Variants in DEF6 observed in about 807,000 individuals in gnomAD.
DEF6 encodes the protein DEF6 guanine nucleotide exchange factor.
A neutral mutation model predicts 80.5 loss-of-function variants in DEF6; 32 were observed. The observed-to-expected ratio is 0.40, with a 90% CI of 0.30 to 0.53. DEF6 has a LOEUF of 0.53. Ranked by LOEUF, DEF6 falls within the 20% of genes least tolerant of loss-of-function variation. DEF6 has a pLI of 0.57. For missense variants in DEF6, 575 were observed against 818.7 expected (o/e 0.70, Z 3.63); for synonymous variants, 300 against 337.9 (o/e 0.89, Z 1.23).
chr6:35,315,586 G>A (rs927203460), intron 5 of DEF6, among the ~76,000 whole-genome samples: 1 of 151,924 alleles, frequency 6.6e-6, no homozygotes, highest in African/African-American at 2.4e-5. Context: ...CATAGCATGG[G>A]ATATCTCTCC....
intron 1 of DEF6, among the ~76,000 whole-genome samples, chr6:35,301,365 A>G (rs1163690319): frequency 6.6e-6 from 1 of 152,184 alleles, no homozygotes; most frequent in Admixed American, 6.5e-5. Context: ...AGAACCACGC[A>G]GGCTTGGATC....
In DEF6 at chr6:35,318,718, C is replaced by T. The variant is rs940459388; in HGVS notation, c.1215+247C>T. 1.3e-5 allele frequency among the ~76,000 whole-genome samples: 2 copies of T among 151,718 alleles called. No individual in the cohort carries two copies. The highest frequency in any genetic ancestry group is 4.8e-5 in the African/African-American group (2 of 41,290). ...AGGGGTGTGGGGCGAGGTCCGAGCC[C>T]GTGGATGGATGGGGCCTGGTTCGGA... On this transcript the variant is annotated intron_variant, in intron 7 of 10. Coordinates refer to ENST00000316637, the MANE Select transcript of DEF6 (RefSeq NM_022047.4). The surrounding 1 kb of genome is among the most constrained non-coding windows in gnomAD (Gnocchi z 5.1).
At chr6:35,321,034 A>C in intron 10 of DEF6, 60 bp downstream of exon 10, 1 of 1,587,402 alleles carries the variant, frequency 6.3e-7, no homozygotes. Context: ...GGAGGGAGAA[A>C]GGTCTCCCTG....
In DEF6 at chr6:35,320,008, G is replaced by A; in HGVS notation, c.1572G>A (p.Glu524=). Residue 524 remains glutamate (E), a synonymous_variant, in exon 9 of 11, where the codon GAG becomes GAA. Coordinates refer to ENST00000316637, the MANE Select transcript of DEF6 (RefSeq NM_022047.4). ...GGCAGAACCGGCAGAGGGCTGACGA[G>A]GATGTGGAGGTGAGGCCTGGGGTGG... ...EVRQNRQRAD[E]DVEAAQRKLR... is the part of the protein sequence containing the mutation. 1.3e-6 allele frequency: 2 copies of A among 1,560,644 alleles called. No individual in the cohort carries two copies. The highest frequency in any genetic ancestry group is 1.7e-6 in the Non-Finnish European group (2 of 1,151,726).
At position 35,303,480 on chromosome 6, in the gene DEF6, A is replaced by G. The variant is rs957583641; in HGVS notation, c.96+5528A>G. 3.5e-4 allele frequency among the ~76,000 whole-genome samples: 54 copies of G among 152,160 alleles called. 2 individuals are homozygous for G. Among genetic ancestry groups the G allele is most frequent in the Non-Finnish European group, 5.9e-5 (4 of 68,022 alleles). The stretch of plus-strand genomic sequence containing the variant: ...CATGAAGTGTTTAAGTTCATTCAAG[A>G]GATACTTAATGAGCATCCATTAGGT... On this transcript the variant is annotated intron_variant, in intron 1 of 10. Transcript: ENST00000316637.
rs1397628120 is a variant in DEF6 at position 35,310,105 on chromosome 6, C to A, written c.237+295C>A. ...TCCTCCAGCTTCCAGGGTTCTCCAC[C>A]CTTCCCAGACTGTCCCCCTGAACTC... is the stretch of plus-strand genomic sequence containing the variant. On this transcript the variant is annotated intron_variant, in intron 2 of 10. Transcript: ENST00000316637. 3.3e-5 allele frequency among the ~76,000 whole-genome samples: 5 copies of A among 152,120 alleles called. No homozygotes were observed. The South Asian group carries it at 1.0e-3, about 32-fold the overall frequency.
At chr6:35,308,370 G>A (rs9469985) in intron 1 of DEF6, among the ~76,000 whole-genome samples, 115,481 of 147,924 alleles carry the variant, frequency 0.78, 45,306 homozygotes, top group Non-Finnish European at 0.85. Flanking sequence ...TGTCTCTACC[G>A]AAAAAAAAAA....
chr6:35,299,053 T>C (rs928138781), intron 1 of DEF6, among the ~76,000 whole-genome samples: 1 of 152,178 alleles, frequency 6.6e-6, no homozygotes, highest in Non-Finnish European at 1.5e-5. Context: ...CCTACTTTAC[T>C]GAACTTGGAT....
intron 1 of DEF6, among the ~76,000 whole-genome samples, chr6:35,298,586 AG>A (rs1562145397): frequency 6.6e-6 from 1 of 152,190 alleles, no homozygotes; most frequent in Non-Finnish European, 1.5e-5. Flanking sequence ...CAGGTAGGGA[AG>A]GGGGAGAATC....
At position 35,312,224 on chromosome 6, in the gene DEF6, C is replaced by A; in HGVS notation, c.424-78C>A. ...TTTCCCTCTGCCCAGGCTCTGGGAG[C>A]CAGATAGAGCACTCCCTGGTGTTGG... On this transcript the variant is annotated intron_variant, in intron 3 of 10. Transcript: ENST00000316637. This position sits in a 1 kb window ranked among gnomAD's most constrained non-coding sequence, Gnocchi z 6.6. The A allele has an allele frequency of 7.8e-7, 1 of 1,274,402 alleles. No homozygotes were observed. The highest frequency in any genetic ancestry group is 1.1e-6 in the Non-Finnish European group (1 of 895,800). The allele number at this position is 1,274,402 out of a possible 1,614,324, so 78.9% of individuals were successfully genotyped here. A position where few individuals can be genotyped will look rare whatever the true frequency, so the allele number is the denominator to read the frequency against.
In DEF6 at chr6:35,312,168, T is replaced by C; in HGVS notation, c.424-134T>C. The C allele has an allele frequency of 1.4e-6, 1 of 712,658 alleles. No homozygotes were observed. The allele number at this position is 712,658 out of a possible 1,614,324, so 44.1% of individuals were successfully genotyped here. ...TTTTCCCTGGCTCCATAACATTCGG[T>C]CCTCTGGCCCCCTCAACGCTCTGTC... On this transcript the variant is annotated intron_variant, in intron 3 of 10. Transcript: ENST00000316637. This position sits in a 1 kb window ranked among gnomAD's most constrained non-coding sequence, Gnocchi z 6.6.
intron 1 of DEF6, among the ~76,000 whole-genome samples, chr6:35,301,727 CTT>C (rs71538302): frequency 3.0e-5 from 4 of 131,738 alleles, no homozygotes; most frequent in Non-Finnish European, 3.1e-5. Context: ...GGAGCTGTGT[CTT>C]TTTTTTTTTT....
At chr6:35,313,293 C>A (rs1022186207) in intron 5 of DEF6, 1 of 424,052 alleles carries the variant, frequency 2.4e-6, no homozygotes, top group Non-Finnish European at 4.6e-6. Context: ...CTATTTTAAG[C>A]GTACAATTCA....
At position 35,319,864 on chromosome 6, in the gene DEF6, G is replaced by C. The variant is rs1191838976; in HGVS notation, c.1428G>C (p.Leu476=). Residue 476 remains leucine (L), a synonymous_variant, in exon 9 of 11, where the codon CTG becomes CTC. Transcript: ENST00000316637. The surrounding 1 kb of genome is among the most constrained non-coding windows in gnomAD (Gnocchi z 4.5). ...EEEKLKQLMQ[L]KEEQERYIER... is the part of the protein sequence containing the mutation. ...AGAAGCTGAAGCAGTTGATGCAGCT[G>C]AAGGAGGAGCAGGAGCGCTACATCG... 1.9e-6 allele frequency: 3 copies of C among 1,587,214 alleles called. No individual in the cohort carries two copies. In the African/African-American group the frequency reaches 4.0e-5, roughly 21 times the overall value.
At chr6:35,313,354 G>A (rs575756844) in intron 5 of DEF6, 2 of 416,942 alleles carry the variant, frequency 4.8e-6, no homozygotes, top group Admixed American at 6.4e-5. Context: ...ATATATAACA[G>A]ATGTACATAT....
intron 10 of DEF6, 73 bp downstream of exon 10, chr6:35,321,047 A>C: frequency 6.3e-7 from 1 of 1,576,586 alleles, no homozygotes; most frequent in South Asian, 1.1e-5. Context: ...TCTCCCTGGG[A>C]GACCTCCAGA....
chr6:35,309,084 G>A (rs1791430352), intron 1 of DEF6, among the ~76,000 whole-genome samples: 1 of 152,228 alleles, frequency 6.6e-6, no homozygotes, highest in Non-Finnish European at 1.5e-5. Flanking sequence ...ACGCTTAGGT[G>A]ATAGGCACAC....
Position 35,318,128 on chromosome 6 carries a change from G to A in DEF6, c.917-45G>A. On this transcript the variant is annotated intron_variant, in intron 6 of 10. Coordinates refer to ENST00000316637, the MANE Select transcript of DEF6 (RefSeq NM_022047.4). This position sits in a 1 kb window ranked among gnomAD's most constrained non-coding sequence, Gnocchi z 5.1. The stretch of plus-strand genomic sequence containing the variant: ...CGGGAAACTCCTAAGGCCCCTTTCG[G>A]GCCGTGTGCGAGGATCCTACTGACC... 1 of 1,533,430 alleles carries A rather than the reference G, an allele frequency of 6.5e-7. No homozygotes were observed. Among genetic ancestry groups the A allele is most frequent in the Non-Finnish European group, 8.8e-7 (1 of 1,141,616 alleles). The allele number at this position is 1,533,430 out of a possible 1,614,324, so 95.0% of individuals were successfully genotyped here.
intron 1 of DEF6, among the ~76,000 whole-genome samples, chr6:35,299,772 T>C (rs1791290525): frequency 6.7e-6 from 1 of 150,172 alleles, no homozygotes; most frequent in South Asian, 2.1e-4. Context: ...GGGCTAACAG[T>C]GGGAGTCTCA....
Sources: allele counts gnomAD v4.1 joint callset (sites outside exome capture counted in the v4.1 genomes callset), GRCh38; gene constraint gnomAD v4.1.1; non-coding constraint Gnocchi (gnomAD v3.1); transcripts MANE v1.5; gene names NCBI Gene and HGNC (gene_info 2026-07-23, HGNC 2026-07-21).